The following DZANK1 variants were observed in gnomAD, a reference collection of about 807,000 sequenced individuals.
DZANK1 encodes the protein double zinc ribbon and ankyrin repeat-containing protein 1.
Under a neutral mutation model 94.5 loss-of-function variants are expected in DZANK1, and 91 were observed. The observed-to-expected ratio is 0.96, with a 90% CI of 0.81 to 1.15. DZANK1 has a LOEUF of 1.15. Among genes scored for constraint, DZANK1 ranks in the 50% most tolerant of loss-of-function variants. The pLI is 0.00. For synonymous variants in DZANK1, 312 were observed against 325.3 expected, an observed-to-expected ratio of 0.96 and a Z score of 0.44; for missense variants, 903 against 916.4, an observed-to-expected ratio of 0.99 and a Z score of 0.19.
At chr20:18,443,695 G>A (rs1218431164) in intron 7 of DZANK1, among the ~76,000 whole-genome samples, 1 of 152,174 alleles carries the variant, frequency 6.6e-6, no homozygotes, top group Admixed American at 6.5e-5. Flanking sequence ...CGTAGGCCAA[G>A]TCCATATAAC....
intron 13 of DZANK1, among the ~76,000 whole-genome samples, chr20:18,404,016 T>C (rs1314049426): frequency 6.6e-6 from 1 of 152,020 alleles, no homozygotes; most frequent in African/African-American, 2.4e-5. Context: ...GCGAGGCTGG[T>C]CTCAAACTCC....
exon 10 of DZANK1, chr20:18,427,082 C>T: frequency 1.9e-6 from 3 of 1,611,448 alleles, no homozygotes; most frequent in Non-Finnish European, 2.5e-6. Context: ...GTGATGAAGG[C>T]AGGGCCCCCT....
intron 13 of DZANK1, among the ~76,000 whole-genome samples, chr20:18,405,458 C>G (rs1469224101): frequency 6.6e-6 from 1 of 152,020 alleles, no homozygotes; most frequent in East Asian, 1.9e-4. Context: ...GCCTAAGAGA[C>G]CCATTGGAAG....
At chr20:18,388,085 G>A (rs1415455557) in intron 19 of DZANK1, among the ~76,000 whole-genome samples, 1 of 152,200 alleles carries the variant, frequency 6.6e-6, no homozygotes, top group African/African-American at 2.4e-5. Context: ...AGACTTGGCA[G>A]AATGTGGCTC....
intron 9 of DZANK1, among the ~76,000 whole-genome samples, chr20:18,428,062 A>G (rs1191660675): frequency 1.3e-5 from 2 of 150,954 alleles, no homozygotes; most frequent in African/African-American, 4.9e-5. Context: ...GAGGCAGGAG[A>G]ATGGTGTGAA....
rs200155114 is a variant in DZANK1 at position 18,386,071 on chromosome 20, C to T, written c.2019-981G>A. Among the ~76,000 whole-genome samples, 3 of 152,272 alleles carry T rather than the reference C, an allele frequency of 2.0e-5. No homozygotes were observed. The East Asian group carries it at 5.8e-4, about 29-fold the overall frequency. ...CATTGACGGTCTGAACTCTCTCTGCCCCTGCTCCTTCCTTTGACGCCATCA... is the reference window on the plus strand; with the variant it reads ...CATTGACGGTCTGAACTCTCTCTGCTCCTGCTCCTTCCTTTGACGCCATCA... On this transcript the variant is annotated intron_variant, in intron 19 of 20. Coordinates refer to ENST00000262547, the Ensembl canonical transcript of DZANK1.
At chr20:18,443,676 C>T (rs1485137384) in intron 7 of DZANK1, among the ~76,000 whole-genome samples, 1 of 152,150 alleles carries the variant, frequency 6.6e-6, no homozygotes, top group African/African-American at 2.4e-5. Context: ...CCCTCTGGTG[C>T]CCTTTCTGCG....
intron 13 of DZANK1, among the ~76,000 whole-genome samples, chr20:18,399,665 G>C (rs1182937616): frequency 1.3e-5 from 2 of 152,192 alleles, no homozygotes; most frequent in African/African-American, 4.8e-5. Context: ...AGACACATTT[G>C]AATTAGTTGC....
intron 11 of DZANK1, among the ~76,000 whole-genome samples, chr20:18,414,979 C>G (rs1226058831): frequency 6.6e-6 from 1 of 152,150 alleles, no homozygotes; most frequent in East Asian, 1.9e-4. Flanking sequence ...GGAGACTAAC[C>G]CTTCACTCTA....
intron 9 of DZANK1, among the ~76,000 whole-genome samples, chr20:18,430,171 A>G (rs1468108844): frequency 6.6e-6 from 1 of 152,218 alleles, no homozygotes; most frequent in Non-Finnish European, 1.5e-5. Context: ...AATATTGAAA[A>G]CAAACTAGTA....
chr20:18,415,522 A>T, intron 10 of DZANK1, 73 bp from the exon 11 acceptor site: 1 of 1,310,574 alleles, frequency 7.6e-7, no homozygotes, highest in Non-Finnish European at 9.8e-7. Context: ...TTCAAAAAAG[A>T]TAAAAAATTC....
intron 13 of DZANK1, among the ~76,000 whole-genome samples, chr20:18,408,359 A>G (rs2057063077): frequency 6.6e-6 from 1 of 152,218 alleles, no homozygotes; most frequent in South Asian, 2.1e-4. Context: ...GGATAGTATC[A>G]GAGAACTTCC....
At chr20:18,440,025 TAAG>T (rs1040876192) in intron 8 of DZANK1, among the ~76,000 whole-genome samples, 16 of 152,080 alleles carry the variant, frequency 1.1e-4, no homozygotes, top group African/African-American at 3.4e-4. Context: ...GATGTCTTTA[TAAG>T]AAGAGGAAGA....
intron 2 of DZANK1, 61 bp from the exon 3 acceptor site, chr20:18,460,367 G>A: frequency 8.1e-7 from 1 of 1,232,372 alleles, no homozygotes; most frequent in South Asian, 1.8e-5. Flanking sequence ...CCTGAATAAT[G>A]CCTATAGGTC....
chr20:18,440,250 A>C (rs554649331), intron 8 of DZANK1, among the ~76,000 whole-genome samples: 1 of 152,298 alleles, frequency 6.6e-6, no homozygotes, highest in South Asian at 2.1e-4. Flanking sequence ...TAGCAAACTG[A>C]TATACCTGGG....
chr20:18,400,988 G>A (rs1273063966), intron 13 of DZANK1, among the ~76,000 whole-genome samples: 1 of 152,010 alleles, frequency 6.6e-6, no homozygotes, highest in Non-Finnish European at 1.5e-5. Flanking sequence ...CCAGGCTGGA[G>A]TACAGTGGCA....
intron 17 of DZANK1, among the ~76,000 whole-genome samples, chr20:18,391,717 A>G (rs2055999393): frequency 6.6e-6 from 1 of 152,196 alleles, no homozygotes; most frequent in Non-Finnish European, 1.5e-5. Context: ...CCATTTGTAA[A>G]GTGGAAATAA....
chr20:18,408,043 C>T (rs1050252112), intron 13 of DZANK1, among the ~76,000 whole-genome samples: 10 of 152,170 alleles, frequency 6.6e-5, no homozygotes, highest in Non-Finnish European at 1.2e-4. Flanking sequence ...AGGCCAGATG[C>T]GGTGGCTCAC....
chr20:18,464,561 G>C (rs1278200005), intron 2 of DZANK1, among the ~76,000 whole-genome samples: 2 of 151,974 alleles, frequency 1.3e-5, no homozygotes, highest in African/African-American at 4.8e-5. Flanking sequence ...GTCAAGGCAG[G>C]GATTAAGTCT....
Sources: gnomAD v4.1 joint callset for allele counts (sites outside exome capture counted in the v4.1 genomes callset) on GRCh38, gnomAD v4.1.1 for gene constraint, MANE v1.5 for transcripts, NCBI Gene and HGNC (gene_info 2026-07-23, HGNC 2026-07-21) for gene names.